The following CHD9 variants were observed in gnomAD, a reference collection of about 807,000 sequenced individuals.
CHD9 encodes ATP-dependent chromatin remodeler CHD9.
Under a neutral mutation model 316.1 loss-of-function variants are expected in CHD9, and 77 were observed. The observed-to-expected ratio is 0.24, with a 90% CI of 0.20 to 0.29. The LOEUF is 0.29. Among genes scored for constraint, CHD9 ranks in the 10% least tolerant of loss-of-function variants. The pLI, the probability that CHD9 is intolerant of heterozygous loss-of-function variation, is 1.00. For missense variants in CHD9, 2,763 were observed against 3,438.1 expected, an observed-to-expected ratio of 0.80 and a Z score of 4.91; for synonymous variants, 1,129 against 1,158.3, an observed-to-expected ratio of 0.97 and a Z score of 0.51.
chr16:53,279,166 A>G (rs182182703), intron 24 of CHD9, among the ~76,000 whole-genome samples: 18 of 152,348 alleles, frequency 1.2e-4, no homozygotes, highest in African/African-American at 4.3e-4. Context: ...ACACCATGGA[A>G]TACTATGCAG....
At chr16:53,275,796 T>C (rs2052750431) in intron 24 of CHD9, among the ~76,000 whole-genome samples, 1 of 152,212 alleles carries the variant, frequency 6.6e-6, no homozygotes, top group African/African-American at 2.4e-5. Context: ...TTCTTCCCTC[T>C]TATTACAATT....
intron 2 of CHD9, among the ~76,000 whole-genome samples, chr16:53,195,249 C>T (rs2044801194): frequency 6.6e-6 from 1 of 152,206 alleles, no homozygotes; most frequent in Non-Finnish European, 1.5e-5. Flanking sequence ...TCATCAAGGG[C>T]AACCACCATT....
intron 2 of CHD9, among the ~76,000 whole-genome samples, chr16:53,183,223 C>G (rs117764566): frequency 3.3e-5 from 5 of 152,130 alleles, no homozygotes; most frequent in East Asian, 3.8e-4. Flanking sequence ...TAACAAATGT[C>G]GTATTTGTTT....
intron 24 of CHD9, among the ~76,000 whole-genome samples, chr16:53,281,033 T>C (rs985597855): frequency 6.6e-6 from 1 of 152,190 alleles, no homozygotes; most frequent in African/African-American, 2.4e-5. Context: ...CTAATAGATC[T>C]CTAAATACTG....
chr16:53,131,783 G>A lies in CHD9; in HGVS notation c.-164-24143G>A, dbSNP rs376741582. Among the ~76,000 whole-genome samples, 21 of 152,260 alleles carry A rather than the reference G, an allele frequency of 1.4e-4. No homozygotes were observed. The East Asian group carries it at 4.1e-3, about 30-fold the overall frequency. On this transcript the variant is annotated intron_variant, in intron 1 of 38. Transcript: ENST00000447540. ...TCCCGCGCGGGCACCCGACGTCCCG[G>A]AGCACGGGACGTCCCCGGCGCTTTC...
chr16:53,214,569 G>T (rs542689984), intron 3 of CHD9, among the ~76,000 whole-genome samples: 1 of 152,030 alleles, frequency 6.6e-6, no homozygotes, highest in African/African-American at 2.4e-5. Context: ...AAAATGTTTT[G>T]CTGATTTTAC....
intron 2 of CHD9, among the ~76,000 whole-genome samples, chr16:53,172,476 A>G (rs991092376): frequency 1.3e-5 from 2 of 152,224 alleles, no homozygotes; most frequent in African/African-American, 4.8e-5. Context: ...TGAAGACACT[A>G]TGAACATTTT....
At chr16:53,162,427 A>G (rs1029924534) in intron 2 of CHD9, among the ~76,000 whole-genome samples, 2 of 152,204 alleles carry the variant, frequency 1.3e-5, no homozygotes, top group Non-Finnish European at 2.9e-5. Context: ...TGCTCTCATA[A>G]CAAATATTTT....
intron 2 of CHD9, among the ~76,000 whole-genome samples, chr16:53,199,554 A>G (rs182392821): frequency 6.6e-6 from 1 of 152,314 alleles, no homozygotes; most frequent in Non-Finnish European, 1.5e-5. Flanking sequence ...CTCATCACCT[A>G]TATAGTATAC....
chr16:53,182,916 T>G (rs2043650834), intron 2 of CHD9, among the ~76,000 whole-genome samples: 1 of 152,212 alleles, frequency 6.6e-6, no homozygotes, highest in Non-Finnish European at 1.5e-5. Context: ...ATCATATATG[T>G]ATGAATGTGT....
chr16:53,056,196 C>T (rs528894046), intron 1 of CHD9, among the ~76,000 whole-genome samples: 1 of 152,310 alleles, frequency 6.6e-6, no homozygotes, highest in African/African-American at 2.4e-5. Flanking sequence ...CCGCTGACCC[C>T]TTATGTTTAT....
At chr16:53,212,928 A>C (rs1208274719) in intron 3 of CHD9, among the ~76,000 whole-genome samples, 1 of 152,190 alleles carries the variant, frequency 6.6e-6, no homozygotes, top group Non-Finnish European at 1.5e-5. Flanking sequence ...GTGTTCAGTA[A>C]ATGTTAGTCA....
chr16:53,173,724 T>G lies in CHD9; in HGVS notation c.1452+16183T>G, dbSNP rs185924926. On this transcript the variant is annotated intron_variant, in intron 2 of 38. Transcript: ENST00000447540. ...CATGCCCACCTAATTTTTTGTATTT[T>G]TAGTAGAGATGGGGTTTCACCGTGT... Among the ~76,000 whole-genome samples the G allele has an allele frequency of 1.6e-4, 25 of 152,174 alleles. No homozygotes were observed. In the East Asian group the frequency reaches 4.8e-3, roughly 29 times the overall value.
chr16:53,115,973 G>A (rs1285256517), intron 1 of CHD9, among the ~76,000 whole-genome samples: 2 of 152,212 alleles, frequency 1.3e-5, no homozygotes, highest in Admixed American at 1.3e-4. Context: ...CAAGGAGGGT[G>A]TGTTTGAGGA....
intron 29 of CHD9, among the ~76,000 whole-genome samples, chr16:53,296,434 A>ATTTT (rs35618799): frequency 0.015 from 1,541 of 101,746 alleles, 23 homozygotes; most frequent in Non-Finnish European, 0.017. Context: ...TTAAAAGTAA[A>ATTTT]TTTTTTTTTT....
intron 2 of CHD9, chr16:53,208,559 T>A (rs748508850): frequency 4.9e-6 from 5 of 1,030,818 alleles, no homozygotes; most frequent in Non-Finnish European, 4.7e-6. Flanking sequence ...AAACCCTCCT[T>A]CCTTTCCCAG....
chr16:53,209,557 G>A lies in CHD9; in HGVS notation c.1528G>A (p.Glu510Lys). 1 of 1,613,832 alleles carries A rather than the reference G, an allele frequency of 6.2e-7. No homozygotes were observed. Among genetic ancestry groups the A allele is most frequent in the South Asian group, 1.1e-5 (1 of 91,070 alleles). ...GAATACCCAGGTGAGGGTCATGTCT[G>A]AGAAGAAGCAGAGAAAAAAGGTGGA... ...LQNTQVRVMS[E>K]KKQRKKVESE... Residue 510 changes from glutamate to lysine, a missense_variant, in exon 3 of 39, where the codon GAG becomes AAG. By Grantham distance (56) the Glu-to-Lys change is moderately conservative. Coordinates refer to ENST00000447540, the MANE Select transcript of CHD9 (RefSeq NM_001308319.2).
At chr16:53,234,461 G>T (rs1567530579) in intron 10 of CHD9, among the ~76,000 whole-genome samples, 1 of 152,046 alleles carries the variant, frequency 6.6e-6, no homozygotes, top group East Asian at 1.9e-4. Flanking sequence ...GCTAGTTTTG[G>T]CTTTTTCATA....
intron 24 of CHD9, among the ~76,000 whole-genome samples, chr16:53,284,804 G>A (rs952712359): frequency 5.9e-5 from 9 of 152,106 alleles, no homozygotes; most frequent in African/African-American, 2.2e-4. Context: ...TCATTCCCGC[G>A]GCCTGGGTTG....
Sources: allele counts gnomAD v4.1 joint callset (sites outside exome capture counted in the v4.1 genomes callset), GRCh38; gene constraint gnomAD v4.1.1; transcripts MANE v1.5; gene names NCBI Gene and HGNC (gene_info 2026-07-23, HGNC 2026-07-21).